Variants in KDR observed in about 807,000 individuals in gnomAD.
The protein encoded by KDR is kinase insert domain receptor.
Under a neutral mutation model 160.9 loss-of-function variants are expected in KDR, and 43 were observed. The observed-to-expected ratio is 0.27, with a 90% confidence interval of 0.21 to 0.34. The LOEUF (loss-of-function observed/expected upper bound fraction) is 0.34. Ranked by LOEUF, KDR falls within the 10% of genes least tolerant of loss-of-function variation. KDR has a pLI of 1.00. For synonymous variants in KDR, 617 were observed against 600.1 expected (o/e 1.03, Z -0.41); for missense variants, 1,469 against 1,666.4 (o/e 0.88, Z 2.06).
rs1719677377 is a variant in KDR at position 55,079,607 on chromosome 4, T to C, written c.*334A>G. 4 of 430,932 alleles carry C rather than the reference T, an allele frequency of 9.3e-6. No individual in the cohort carries two copies. The South Asian group carries it at 1.0e-4, about 11-fold the overall frequency. 26.7% of individuals were successfully genotyped at this position (430,932 alleles called of 1,614,324 possible). A position where few individuals can be genotyped will look rare whatever the true frequency, so the allele number is the denominator to read the frequency against. Reference sequence around the variant, plus strand: ...TTTACAGAAGTGTCAGCTCCCCAGGTACTGCTACTTCTTTGAGGATGGGGC... The same window carrying C: ...TTTACAGAAGTGTCAGCTCCCCAGGCACTGCTACTTCTTTGAGGATGGGGC... On this transcript the variant is annotated 3_prime_UTR_variant, in exon 30 of 30. Coordinates refer to ENST00000263923, the MANE Select transcript of KDR (RefSeq NM_002253.4).
At chr4:55,108,020 A>C in intron 9 of KDR, 127 bp from the exon 10 acceptor site, 1 of 985,740 alleles carries the variant, frequency 1.0e-6, no homozygotes, top group South Asian at 1.4e-5. Flanking sequence ...TTTTCGAAGA[A>C]CACCTAGATG....
intron 22 of KDR, 25 bp from the exon 23 acceptor site, chr4:55,090,103 T>C: frequency 3.1e-6 from 5 of 1,613,460 alleles, no homozygotes; most frequent in Non-Finnish European, 4.2e-6. Context: ...ATGTGTGCAT[T>C]AGGTCTCGGC....
At chr4:55,122,596 G>A (rs1720912604) in intron 1 of KDR, among the ~76,000 whole-genome samples, 1 of 152,170 alleles carries the variant, frequency 6.6e-6, no homozygotes, top group Non-Finnish European at 1.5e-5. Flanking sequence ...GACTGCACAT[G>A]TTCTCACACA....
intron 18 of KDR, among the ~76,000 whole-genome samples, chr4:55,097,107 C>T (rs1720177337): frequency 6.6e-6 from 1 of 152,074 alleles, no homozygotes; most frequent in Non-Finnish European, 1.5e-5. Context: ...TGAAAATGGC[C>T]AGACCAGAAT....
At position 55,107,878 on chromosome 4, in the gene KDR, C is replaced by A; in HGVS notation, c.1271G>T (p.Gly424Val). The change falls in exon 10 of 30, where the codon GGT becomes GTT. Residue 424 changes from glycine to valine, a missense_variant. Coordinates refer to ENST00000263923, the MANE Select transcript of KDR (RefSeq NM_002253.4). ...CACAGGAGAGATTAGAGATTTCTCA[C>A]CAATCTGGGGTGGGACTGAAGATGG... ...SLVVYVPPQI[G>V]EKSLISPVDS... is the part of the protein sequence containing the mutation. 6.2e-7 allele frequency: 1 copy of A among 1,613,868 alleles called. No individual in the cohort carries two copies. The highest frequency in any genetic ancestry group is 8.5e-7 in the Non-Finnish European group (1 of 1,179,860).
At chr4:55,114,000 T>A (rs1720664399) in intron 6 of KDR, 126 bp downstream of exon 6, 1 of 904,134 alleles carries the variant, frequency 1.1e-6, no homozygotes, top group African/African-American at 1.6e-5. Flanking sequence ...TGAGTGGGTG[T>A]GTATGTGTGT....
intron 2 of KDR, among the ~76,000 whole-genome samples, chr4:55,119,144 G>T (rs1023583334): frequency 1.3e-5 from 2 of 152,002 alleles, no homozygotes; most frequent in Non-Finnish European, 2.9e-5. Flanking sequence ...GGGAGGTGGA[G>T]GTTGCAGTGA....
chr4:55,107,928 T>C lies in KDR; in HGVS notation c.1256-35A>G, dbSNP rs112865999. 2,469 of 1,612,084 alleles carry C rather than the reference T, an allele frequency of 1.5e-3. 38 individuals are homozygous for C. In the African/African-American group the frequency reaches 0.029, roughly 19 times the overall value. ...GGAAAAACAACTTTTGAATTGTCAG[T>C]CAGCTTTGAAGAATGGGAAATAGAG... On this transcript the variant is annotated intron_variant, in intron 9 of 29. Transcript: ENST00000263923.
Position 55,098,197 on chromosome 4 carries a change from A to C in KDR, c.2449T>G (p.Cys817Gly), listed in dbSNP as rs1396871392. 2 of 1,613,832 alleles carry C rather than the reference A, an allele frequency of 1.2e-6. No homozygotes were observed. Among genetic ancestry groups the C allele is most frequent in the African/African-American group, 2.7e-5 (2 of 74,902 alleles). Residue 817 changes from cysteine to glycine, a missense_variant, in exon 17 of 30, where the codon TGT becomes GGT. Transcript: ENST00000263923. Reference protein sequence around the residue: ...DPDELPLDEHCERLPYDASKW... With the variant: ...DPDELPLDEHGERLPYDASKW... ...CTGGCATCATAAGGCAGTCGTTCAC[A>C]ATGTTCATCCAATGGGAGTTCATCT...
chr4:55,110,366 T>G (rs1421593830), intron 9 of KDR, 37 bp downstream of exon 9: 3 of 1,603,914 alleles, frequency 1.9e-6, no homozygotes, highest in East Asian at 4.5e-5. Context: ...TGTATCATAA[T>G]AAATCTTGGG....
intron 15 of KDR, among the ~76,000 whole-genome samples, chr4:55,100,136 A>G (rs1720271934): frequency 6.6e-6 from 1 of 152,200 alleles, no homozygotes; most frequent in Non-Finnish European, 1.5e-5. Flanking sequence ...ACCGGGCCAC[A>G]AGCTGTGCGG....
intron 22 of KDR, 112 bp from the exon 23 acceptor site, chr4:55,090,190 C>A: frequency 8.2e-7 from 1 of 1,225,616 alleles, no homozygotes; most frequent in South Asian, 1.2e-5. Context: ...AACTGATTAA[C>A]AAGGACTGGG....
At chr4:55,108,045 C>T (rs1720486931) in intron 9 of KDR, 152 bp from the exon 10 acceptor site, 1 of 802,414 alleles carries the variant, frequency 1.2e-6, no homozygotes, top group South Asian at 1.6e-5. Flanking sequence ...AACAAGAGAC[C>T]TGAGTTCTAG....
chr4:55,085,845 C>T (rs1719849332), intron 27 of KDR, among the ~76,000 whole-genome samples: 1 of 152,190 alleles, frequency 6.6e-6, no homozygotes, highest in South Asian at 2.1e-4. Flanking sequence ...AGCAGCCCTT[C>T]TATATATCCA....
intron 13 of KDR, 48 bp downstream of exon 13, chr4:55,104,595 A>C (rs944866841): frequency 2.1e-6 from 3 of 1,416,756 alleles, no homozygotes; most frequent in Non-Finnish European, 3.0e-6. Context: ...CACTACATTT[A>C]AGGCATTCCA....
In KDR at chr4:55,114,795, C is replaced by T. The variant is rs1349771306; in HGVS notation, c.658+79G>A. The stretch of plus-strand genomic sequence containing the variant: ...AGTTCCTATACTTTTCAATATCCTT[C>T]TTCACTCTATGTTGTTATCTCCAAG... On this transcript the variant is annotated intron_variant, in intron 5 of 29. Coordinates refer to ENST00000263923, the MANE Select transcript of KDR (RefSeq NM_002253.4). 3.1e-6 allele frequency: 4 copies of T among 1,276,754 alleles called. No homozygotes were observed. In the East Asian group the frequency reaches 6.9e-5, roughly 22 times the overall value. The allele number at this position is 1,276,754 out of a possible 1,614,324, so 79.1% of individuals were successfully genotyped here. A position where few individuals can be genotyped will look rare whatever the true frequency, so the allele number is the denominator to read the frequency against.
chr4:55,113,933 T>C (rs558947247), intron 6 of KDR, among the ~76,000 whole-genome samples, 193 bp downstream of exon 6: 2 of 152,320 alleles, frequency 1.3e-5, no homozygotes, highest in Admixed American at 6.5e-5. Flanking sequence ...TTTCACCTTT[T>C]GGTGGGTGCT....
chr4:55,113,749 T>A (rs1372751120), intron 6 of KDR, among the ~76,000 whole-genome samples: 1 of 152,220 alleles, frequency 6.6e-6, no homozygotes, highest in Non-Finnish European at 1.5e-5. Context: ...ATGTGACCAC[T>A]GTTTAAGGAG....
Position 55,096,347 on chromosome 4 carries a change from A to T in KDR, c.2615-5T>A. On this transcript the variant is annotated splice_polypyrimidine_tract_variant and splice_region_variant and intron_variant, in intron 18 of 29. Transcript: ENST00000263923. ...GCTCACTGTGTGTTGCTCCTTCTAC[A>T]AATACAGTACAAAGAGGGAAATCAT... The T allele has an allele frequency of 6.3e-7, 1 of 1,596,546 alleles. No individual in the cohort carries two copies. Among genetic ancestry groups the T allele is most frequent in the Non-Finnish European group, 8.6e-7 (1 of 1,164,754 alleles).
Sources: gnomAD v4.1 joint callset for allele counts (sites outside exome capture counted in the v4.1 genomes callset) on GRCh38, gnomAD v4.1.1 for gene constraint, MANE v1.5 for transcripts, NCBI Gene and HGNC (gene_info 2026-07-23, HGNC 2026-07-21) for gene names.